The following NEBL variants were observed in gnomAD, a reference collection of about 807,000 sequenced individuals.
NEBL encodes LIM and SH3 protein 2.
NEBL carries 122 observed loss-of-function variants against 140.2 expected under a neutral mutation model. That is an observed-to-expected ratio of 0.87 (90% confidence interval 0.75 to 1.01). The LOEUF (loss-of-function observed/expected upper bound fraction) is 1.01. Among genes scored for constraint, NEBL ranks in the 50% least tolerant of loss-of-function variants. The probability of loss-of-function intolerance (pLI) is 0.00; values close to 1 mark genes in which losing one functional copy is unlikely to be tolerated. For missense variants in NEBL, 1,365 were observed against 1,231.3 expected, an observed-to-expected ratio of 1.11 and a Z score of -1.62; for synonymous variants, 436 against 398.9, an observed-to-expected ratio of 1.09 and a Z score of -1.11.
intron 4 of NEBL, among the ~76,000 whole-genome samples, chr10:20,960,725 A>G (rs573146222): frequency 6.6e-6 from 1 of 152,226 alleles, no homozygotes; most frequent in East Asian, 1.9e-4. Context: ...ACACACACAT[A>G]TATACATGTA....
intron 3 of NEBL, among the ~76,000 whole-genome samples, chr10:21,002,632 A>G: frequency 6.6e-6 from 1 of 152,188 alleles, no homozygotes; most frequent in Non-Finnish European, 1.5e-5. Context: ...CAGGAAACTC[A>G]CAATCATGGC....
chr10:21,061,269 A>ACATATTATGTGATATGTAACATG (rs1564496957), intron 2 of NEBL, among the ~76,000 whole-genome samples: 323 of 113,262 alleles, frequency 2.9e-3, no homozygotes, highest in Middle Eastern at 0.012. Context: ...TATGTAACAT[A>ACATATTATGTGATATGTAACATG]TTACATATTA....
intron 3 of NEBL, among the ~76,000 whole-genome samples, chr10:20,978,915 T>C (rs897088832): frequency 2.0e-5 from 3 of 152,150 alleles, no homozygotes; most frequent in Admixed American, 1.3e-4. Flanking sequence ...CAGTGAAATC[T>C]GCAATCTAAA....
At chr10:21,230,337 G>C (rs1842229475) in intron 3 of NEBL, among the ~76,000 whole-genome samples, 1 of 152,034 alleles carries the variant, frequency 6.6e-6, no homozygotes, top group Non-Finnish European at 1.5e-5. Context: ...ACCTGTCCTA[G>C]GATGAGCTGA....
intron 2 of NEBL, among the ~76,000 whole-genome samples, chr10:21,106,163 T>C (rs886698914): frequency 1.9e-4 from 29 of 152,178 alleles, no homozygotes; most frequent in African/African-American, 6.5e-4. Context: ...TGATAGTTTC[T>C]TTTGCTGTGC....
intron 1 of NEBL, among the ~76,000 whole-genome samples, chr10:21,254,340 C>T (rs1204265764): frequency 1.3e-5 from 2 of 152,064 alleles, no homozygotes; most frequent in African/African-American, 4.8e-5. Flanking sequence ...GCTATGCTGC[C>T]CAGGCTGGTC....
Position 20,859,817 on chromosome 10 carries a change from T to C in NEBL, c.694A>G (p.Lys232Glu). 1 of 1,485,070 alleles carries C rather than the reference T, an allele frequency of 6.7e-7. No homozygotes were observed. The highest frequency in any genetic ancestry group is 9.4e-7 in the Non-Finnish European group (1 of 1,065,714). 92.0% of individuals were successfully genotyped at this position (1,485,070 alleles called of 1,614,324 possible). A position where few individuals can be genotyped will look rare whatever the true frequency, so the allele number is the denominator to read the frequency against. The change falls in exon 8 of 28, where the codon AAA becomes GAA. Residue 232 changes from lysine to glutamate, a missense_variant. This residue lies in a region of NEBL where 1,323 missense variants were observed against 1,154.8 expected (regional missense o/e 1.15). Coordinates refer to ENST00000377122, the MANE Select transcript of NEBL (RefSeq NM_006393.3). Reference sequence around the variant, plus strand: ...TTCATTTCATTATCAAATTTTTCTTTGTATTTAATCTGTCATAAAAGAGAA... The same window carrying C: ...TTCATTTCATTATCAAATTTTTCTTCGTATTTAATCTGTCATAAAAGAGAA... ...ASKLSSQIKY[K>E]EKFDNEMKDK...
intron 1 of NEBL, among the ~76,000 whole-genome samples, chr10:21,263,075 G>A (rs533670364): frequency 1.3e-5 from 2 of 152,304 alleles, no homozygotes; most frequent in African/African-American, 2.4e-5. Flanking sequence ...TGCTGTTATA[G>A]TGACAGTAAT....
chr10:20,869,151 A>C (rs750337425), intron 6 of NEBL, among the ~76,000 whole-genome samples: 3 of 152,192 alleles, frequency 2.0e-5, no homozygotes, highest in Non-Finnish European at 2.9e-5. Flanking sequence ...ATTGACATGC[A>C]GTTGAATACA....
chr10:20,927,851 C>T (rs1290036963), intron 4 of NEBL, among the ~76,000 whole-genome samples: 2 of 152,136 alleles, frequency 1.3e-5, no homozygotes, highest in Non-Finnish European at 2.9e-5. Flanking sequence ...ATATGACTTA[C>T]TCCTAGATAG....
rs771666822 is a variant in NEBL, at chr10:20,780,128, GACTC to G, written c.*5615_*5618del. Reference sequence around the variant, plus strand: ...GATTTATATGAGTGTGAAAAATAGGGACTCACTTTTTCAATTATGGGAAGCGTAG... The same window carrying G: ...GATTTATATGAGTGTGAAAAATAGGGACTTTTTCAATTATGGGAAGCGTAG... On this transcript the variant is annotated 3_prime_UTR_variant, in exon 28 of 28. Coordinates refer to ENST00000377122, the MANE Select transcript of NEBL (RefSeq NM_006393.3). 3.3e-5 allele frequency: 5 copies of G among 152,102 alleles called. No homozygotes were observed. Among genetic ancestry groups the G allele is most frequent in the Non-Finnish European group, 7.4e-5 (5 of 68,020 alleles). The allele number at this position is 152,102 out of a possible 1,614,324, so 9.4% of individuals were successfully genotyped here.
chr10:20,981,166 T>C (rs147774417), intron 3 of NEBL, among the ~76,000 whole-genome samples: 156 of 152,330 alleles, frequency 1.0e-3, no homozygotes, highest in African/African-American at 3.6e-3. Flanking sequence ...TCTTACAACG[T>C]AGTACCTGGT....
Position 20,852,635 on chromosome 10 carries a change from C to T in NEBL, c.918G>A (p.Lys306=). The T allele has an allele frequency of 6.2e-7, 1 of 1,611,716 alleles. No individual in the cohort carries two copies. Among genetic ancestry groups the T allele is most frequent in the East Asian group, 2.2e-5 (1 of 44,804 alleles). ...SKMLSGREYK[K]LFEENKGMYH... Reference sequence around the variant, plus strand: ...ACATTCCTTTGTTTTCCTCAAAGAGCTTTTTATATTCTCGCTAAAATACAG... The same window carrying T: ...ACATTCCTTTGTTTTCCTCAAAGAGTTTTTTATATTCTCGCTAAAATACAG... Residue 306 remains lysine (K), a synonymous_variant, in exon 10 of 28, where the codon AAG becomes AAA. Transcript: ENST00000377122.
upstream of NEBL, among the ~76,000 whole-genome samples, chr10:20,899,035 A>G (rs754603119): frequency 3.3e-5 from 5 of 152,062 alleles, no homozygotes; most frequent in South Asian, 2.1e-4. Context: ...GGAAACCACA[A>G]CTCTAAGATT....
chr10:20,878,173 A>T (rs191009836), intron 5 of NEBL, among the ~76,000 whole-genome samples: 1 of 152,332 alleles, frequency 6.6e-6, no homozygotes, highest in Admixed American at 6.5e-5. Context: ...TCATCCATAC[A>T]GTCACATGAG....
At chr10:20,825,591 T>C (rs10740986) in intron 18 of NEBL, among the ~76,000 whole-genome samples, 70,765 of 151,488 alleles carry the variant, frequency 0.47, 17,711 homozygotes, top group East Asian at 0.65. Context: ...CACTTGAATC[T>C]GGGAGGCAGT....
At chr10:20,923,684 A>AAAAAAAG (rs1833719622) in intron 4 of NEBL, among the ~76,000 whole-genome samples, 2 of 149,054 alleles carry the variant, frequency 1.3e-5, no homozygotes, top group Non-Finnish European at 3.0e-5. Flanking sequence ...AAAAAAAAAA[A>AAAAAAAG]AAAAAAAAAA....
intron 2 of NEBL, among the ~76,000 whole-genome samples, chr10:21,161,355 C>G (rs1453873640): frequency 6.6e-6 from 1 of 152,012 alleles, no homozygotes; most frequent in Non-Finnish European, 1.5e-5. Context: ...ATTGAGTCAG[C>G]TTTCTTGGCT....
chr10:21,284,847 C>A (rs1843035905), intron 1 of NEBL, among the ~76,000 whole-genome samples: 1 of 152,130 alleles, frequency 6.6e-6, no homozygotes, highest in South Asian at 2.1e-4. Flanking sequence ...ACAAATCTCA[C>A]ATTAGATCAT....
Sources: gnomAD v4.1 joint callset for allele counts (sites outside exome capture counted in the v4.1 genomes callset) on GRCh38, gnomAD v4.1.1 for gene constraint, gnomAD v4.1.1 regional missense constraint, MANE v1.5 for transcripts, NCBI Gene and HGNC (gene_info 2026-07-23, HGNC 2026-07-21) for gene names.